The following SHISA9 variants were observed in gnomAD, a reference collection of about 807,000 sequenced individuals.
The protein encoded by SHISA9 is protein shisa-9.
In SHISA9, 13 loss-of-function variants were observed where a neutral mutation model predicts 38.0. That is an observed-to-expected ratio of 0.34 (90% CI 0.22 to 0.54). The LOEUF is 0.54. Among genes scored for constraint, SHISA9 ranks in the 20% least tolerant of loss-of-function variants. The probability of loss-of-function intolerance (pLI) is 0.91; values close to 1 mark genes in which losing one functional copy is unlikely to be tolerated. For missense variants in SHISA9, 538 were observed against 575.8 expected (o/e 0.93, Z 0.67); for synonymous variants, 275 against 242.0 (o/e 1.14, Z -1.27).
chr16:13,199,129 G>T (rs1285739964), intron 2 of SHISA9, among the ~76,000 whole-genome samples: 2 of 152,100 alleles, frequency 1.3e-5, no homozygotes, highest in Non-Finnish European at 2.9e-5. Context: ...CCTGGACACA[G>T]GGTTTGAGCC....
At chr16:13,185,394 A>T (rs75663473) in intron 2 of SHISA9, among the ~76,000 whole-genome samples, 1 of 152,048 alleles carries the variant, frequency 6.6e-6, no homozygotes, top group Admixed American at 6.6e-5. Context: ...GTAGAGATGG[A>T]GGTCTTGCTA....
chr16:13,512,187 A>C, the SHISA9 span, among the ~76,000 whole-genome samples: 1 of 152,174 alleles, frequency 6.6e-6, no homozygotes, highest in Non-Finnish European at 1.5e-5. Context: ...AAAATTATCC[A>C]ACACCCAACA....
At chr16:13,098,940 C>T (rs918873971) in intron 2 of SHISA9, among the ~76,000 whole-genome samples, 2 of 152,174 alleles carry the variant, frequency 1.3e-5, no homozygotes, top group African/African-American at 4.8e-5. Flanking sequence ...AGGGATGAGT[C>T]ATTAGTTAAA....
intron 2 of SHISA9, among the ~76,000 whole-genome samples, chr16:13,114,159 G>A (rs556260602): frequency 6.6e-6 from 1 of 151,986 alleles, no homozygotes; most frequent in Non-Finnish European, 1.5e-5. Context: ...TTTTTATTTT[G>A]AGGAAATTAA....
At chr16:13,220,914 C>T (rs747116552) in intron 4 of SHISA9, among the ~76,000 whole-genome samples, 7 of 152,054 alleles carry the variant, frequency 4.6e-5, no homozygotes, top group Non-Finnish European at 7.4e-5. Context: ...CAAAGGGGGC[C>T]CATGGTACAG....
At chr16:13,461,046 A>G in the SHISA9 span, among the ~76,000 whole-genome samples, 2 of 152,214 alleles carry the variant, frequency 1.3e-5, no homozygotes, top group Non-Finnish European at 2.9e-5. Context: ...CCAATAGACA[A>G]CATATCAACG....
intron 2 of SHISA9, among the ~76,000 whole-genome samples, chr16:13,147,953 T>G (rs1296592410): frequency 6.6e-6 from 1 of 152,186 alleles, no homozygotes; most frequent in Non-Finnish European, 1.5e-5. Flanking sequence ...AAAGGGATAG[T>G]TAGGGACTGA....
the SHISA9 span, among the ~76,000 whole-genome samples, chr16:13,449,383 AG>A: frequency 6.6e-6 from 1 of 152,240 alleles, no homozygotes; most frequent in Non-Finnish European, 1.5e-5. Context: ...TCTATACATT[AG>A]AAAAGTGTTA....
At chr16:13,359,651 A>G in the SHISA9 span, among the ~76,000 whole-genome samples, 1 of 152,210 alleles carries the variant, frequency 6.6e-6, no homozygotes, top group Non-Finnish European at 1.5e-5. Flanking sequence ...TCAGGTTCTC[A>G]TATGTCAAAT....
At chr16:13,271,359 C>G in the SHISA9 span, among the ~76,000 whole-genome samples, 1 of 152,148 alleles carries the variant, frequency 6.6e-6, no homozygotes, top group Non-Finnish European at 1.5e-5. Flanking sequence ...CCCATTAAAT[C>G]AACGTCATCA....
intron 2 of SHISA9, among the ~76,000 whole-genome samples, chr16:13,199,452 T>C (rs1048999195): frequency 6.6e-6 from 1 of 152,222 alleles, no homozygotes; most frequent in Non-Finnish European, 1.5e-5. Flanking sequence ...CTCTGGTCAG[T>C]TTCAGCTTCC....
At chr16:13,484,713 A>C in the SHISA9 span, among the ~76,000 whole-genome samples, 1 of 152,186 alleles carries the variant, frequency 6.6e-6, no homozygotes, top group Non-Finnish European at 1.5e-5. Flanking sequence ...GAAAACTTAC[A>C]ATCATGGTGG....
At chr16:13,244,304 C>T (rs1056757914), downstream of SHISA9, among the ~76,000 whole-genome samples, 1 of 152,158 alleles carries the variant, frequency 6.6e-6, no homozygotes, top group Admixed American at 6.5e-5. Flanking sequence ...TTGAACAACA[C>T]TGCTTTGAAC....
At chr16:13,150,259 A>G (rs1216216879) in intron 2 of SHISA9, among the ~76,000 whole-genome samples, 1 of 152,022 alleles carries the variant, frequency 6.6e-6, no homozygotes. Flanking sequence ...ATGCACTGCC[A>G]TCCTCTCCCT....
At chr16:13,533,268 C>T in the SHISA9 span, among the ~76,000 whole-genome samples, 1 of 152,152 alleles carries the variant, frequency 6.6e-6, no homozygotes, top group South Asian at 2.1e-4. Context: ...TATCTCCTCT[C>T]GTTTTGGTTC....
At chr16:13,072,908 A>G (rs1490173004) in intron 2 of SHISA9, among the ~76,000 whole-genome samples, 3 of 151,930 alleles carry the variant, frequency 2.0e-5, no homozygotes, top group Non-Finnish European at 2.9e-5. Context: ...TGATCCACCC[A>G]CCTCGGCCTC....
the SHISA9 span, among the ~76,000 whole-genome samples, chr16:13,425,491 A>C: frequency 1.3e-5 from 2 of 152,156 alleles, no homozygotes; most frequent in Admixed American, 1.3e-4. Flanking sequence ...CGTCTCAAAC[A>C]AAAACAAAAA....
chr16:13,417,883 G>C, the SHISA9 span, among the ~76,000 whole-genome samples: 1 of 152,232 alleles, frequency 6.6e-6, no homozygotes, highest in Non-Finnish European at 1.5e-5. Context: ...GAGGATGCTT[G>C]AAGCTTTGGT....
At chr16:13,523,286 G>A in the SHISA9 span, among the ~76,000 whole-genome samples, 3 of 152,134 alleles carry the variant, frequency 2.0e-5, no homozygotes, top group Non-Finnish European at 4.4e-5. Flanking sequence ...GGAGGTGGAC[G>A]TTGCAGTGAG....
Sources: allele counts gnomAD v4.1 joint callset (sites outside exome capture counted in the v4.1 genomes callset), GRCh38; gene constraint gnomAD v4.1.1; transcripts MANE v1.5; gene names NCBI Gene and HGNC (gene_info 2026-07-23, HGNC 2026-07-21).